RASGRF2: variants seen among roughly 807,000 people sequenced by gnomAD.
RASGRF2 encodes ras-specific guanine nucleotide-releasing factor 2.
A neutral mutation model predicts 151.0 loss-of-function variants in RASGRF2; 76 were observed. That is an observed-to-expected ratio of 0.50 (90% CI 0.42 to 0.61). The LOEUF (loss-of-function observed/expected upper bound fraction) is 0.61, where lower values mean the gene tolerates loss of function less well. Among genes scored for constraint, RASGRF2 ranks in the 20% least tolerant of loss-of-function variants. The probability of loss-of-function intolerance (pLI) is 0.00; values close to 1 mark genes in which losing one functional copy is unlikely to be tolerated. For missense variants in RASGRF2, 1,148 were observed against 1,564.6 expected, an observed-to-expected ratio of 0.73 and a Z score of 4.49; for synonymous variants, 504 against 566.5, an observed-to-expected ratio of 0.89 and a Z score of 1.57.
intron 12 of RASGRF2, among the ~76,000 whole-genome samples, chr5:81,103,763 A>C (rs772583242): frequency 6.6e-6 from 1 of 152,186 alleles, no homozygotes; most frequent in Non-Finnish European, 1.5e-5. Context: ...TTTCACAAGG[A>C]GAAATTTGTA....
chr5:81,175,898 C>T (rs1436902476), intron 17 of RASGRF2, among the ~76,000 whole-genome samples: 1 of 152,024 alleles, frequency 6.6e-6, no homozygotes, highest in African/African-American at 2.4e-5. Flanking sequence ...ATTCTTAATT[C>T]CTAATTTGTC....
At chr5:81,210,532 A>C (rs1039770680) in intron 22 of RASGRF2, among the ~76,000 whole-genome samples, 1 of 152,156 alleles carries the variant, frequency 6.6e-6, no homozygotes, top group Non-Finnish European at 1.5e-5. Flanking sequence ...CTCTAAACTC[A>C]CTGAGTCCCT....
At chr5:81,055,191 C>T (rs1054450616) in intron 2 of RASGRF2, among the ~76,000 whole-genome samples, 1 of 152,200 alleles carries the variant, frequency 6.6e-6, no homozygotes, top group Non-Finnish European at 1.5e-5. Context: ...GAGAGGGCAT[C>T]CCTGTCTTGT....
chr5:81,225,816 G>C lies in RASGRF2; in HGVS notation c.*46G>C. On this transcript the variant is annotated 3_prime_UTR_variant, in exon 27 of 27. Coordinates refer to ENST00000265080, the MANE Select transcript of RASGRF2 (RefSeq NM_006909.3). ...GTCCACGGGATGTTCATGGAAAGCAGGACAGACAGAATTGTGTATGCCTTG... is the reference window on the plus strand; with the variant it reads ...GTCCACGGGATGTTCATGGAAAGCACGACAGACAGAATTGTGTATGCCTTG... 6.3e-7 allele frequency: 1 copy of C among 1,593,372 alleles called. No individual in the cohort carries two copies. The highest frequency in any genetic ancestry group is 8.5e-7 in the Non-Finnish European group (1 of 1,172,066).
intron 7 of RASGRF2, among the ~76,000 whole-genome samples, chr5:81,084,169 G>A (rs951280786): frequency 3.3e-5 from 5 of 152,218 alleles, no homozygotes; most frequent in African/African-American, 1.2e-4. Flanking sequence ...GAAGGATCAT[G>A]AGAGTATTGA....
chr5:81,144,240 A>T (rs1753952726), intron 17 of RASGRF2, among the ~76,000 whole-genome samples: 1 of 152,212 alleles, frequency 6.6e-6, no homozygotes. Flanking sequence ...ATCTATGGAA[A>T]CATACTGCTT....
At chr5:81,151,621 TC>T (rs1442636474) in intron 17 of RASGRF2, among the ~76,000 whole-genome samples, 1 of 152,154 alleles carries the variant, frequency 6.6e-6, no homozygotes, top group African/African-American at 2.4e-5. Flanking sequence ...CTCGAATACT[TC>T]CCTGTTGCTT....
intron 17 of RASGRF2, among the ~76,000 whole-genome samples, chr5:81,158,778 A>G (rs1279864532): frequency 1.3e-5 from 2 of 152,222 alleles, no homozygotes; most frequent in East Asian, 3.8e-4. Context: ...AAATTGACAG[A>G]TGGTGACAAG....
intron 15 of RASGRF2, among the ~76,000 whole-genome samples, chr5:81,119,784 G>T (rs1270219808): frequency 6.6e-6 from 1 of 152,246 alleles, no homozygotes; most frequent in African/African-American, 2.4e-5. Flanking sequence ...TCATATTAGA[G>T]AATTAAGTTG....
At chr5:81,200,913 G>T (rs1392109381) in intron 18 of RASGRF2, among the ~76,000 whole-genome samples, 1 of 152,144 alleles carries the variant, frequency 6.6e-6, no homozygotes, top group Non-Finnish European at 1.5e-5. Flanking sequence ...CATTTGTTAA[G>T]TCTAGGACAG....
rs1327276496 is a variant in RASGRF2, at chr5:81,086,884, G to C, written c.1321G>C (p.Ala441Pro). The change falls in exon 9 of 27, where the codon GCC (alanine) becomes CCC (proline). Residue 441 changes from alanine to proline, a missense_variant. By Grantham distance (27) the Ala-to-Pro change is conservative. Around this residue, in one of 5 missense-constraint regions of RASGRF2, gnomAD observed 176 missense variants for 309.6 expected, o/e 0.57. Transcript: ENST00000265080. ...CACTGAAAACATAAGGAAAAACCTT[G>C]CCATCGAAAGAATGATCGTGGAGGG... is the stretch of plus-strand genomic sequence containing the variant. Reference protein sequence around the residue: ...SDTENIRKNLAIERMIVEGCD... With the variant: ...SDTENIRKNLPIERMIVEGCD... 6.2e-7 allele frequency: 1 copy of C among 1,614,222 alleles called. No individual in the cohort carries two copies. Among genetic ancestry groups the C allele is most frequent in the African/African-American group, 1.3e-5 (1 of 75,058 alleles).
intron 5 of RASGRF2, among the ~76,000 whole-genome samples, chr5:81,075,298 T>A (rs1479325486): frequency 6.6e-6 from 1 of 152,090 alleles, no homozygotes; most frequent in African/African-American, 2.4e-5. Flanking sequence ...GCAGATTTGT[T>A]AGAGAATGTG....
intron 18 of RASGRF2, chr5:81,183,200 A>G (rs1754956513): frequency 2.0e-6 from 2 of 983,848 alleles, no homozygotes; most frequent in African/African-American, 1.7e-5. Flanking sequence ...TTCGATTTCT[A>G]GAAACAGAAA....
intron 15 of RASGRF2, among the ~76,000 whole-genome samples, chr5:81,114,488 C>G (rs959576985): frequency 6.6e-6 from 1 of 152,146 alleles, no homozygotes; most frequent in Non-Finnish European, 1.5e-5. Flanking sequence ...TTGCTTGTGA[C>G]GTAGCCAAAA....
intron 17 of RASGRF2, among the ~76,000 whole-genome samples, chr5:81,158,453 A>G (rs1754311050): frequency 6.6e-6 from 1 of 152,196 alleles, no homozygotes; most frequent in African/African-American, 2.4e-5. Context: ...AATTTGATAC[A>G]TTAGGCTTCA....
At chr5:81,027,994 A>G (rs905883432) in intron 1 of RASGRF2, among the ~76,000 whole-genome samples, 3 of 152,290 alleles carry the variant, frequency 2.0e-5, no homozygotes, top group Middle Eastern at 3.4e-3. Context: ...GAGAGGCTCA[A>G]TGACTATATC....
Position 81,098,968 on chromosome 5 carries a change from A to G in RASGRF2, c.1755+3976A>G, listed in dbSNP as rs956550110. ...ATGGACACACAAATGAACTAGAAAT[A>G]TTCCCAACACCCAACACACTAAAAT... On this transcript the variant is annotated intron_variant, in intron 12 of 26. Transcript: ENST00000265080. 7.9e-5 allele frequency among the ~76,000 whole-genome samples: 12 copies of G among 152,240 alleles called. 1 individual carries two copies. Among genetic ancestry groups the G allele is most frequent in the African/African-American group, 2.9e-4 (12 of 41,454 alleles).
At chr5:81,079,493 G>C (rs768319173) in intron 5 of RASGRF2, among the ~76,000 whole-genome samples, 5 of 140,122 alleles carry the variant, frequency 3.6e-5, no homozygotes, top group African/African-American at 5.2e-5. Flanking sequence ...ATTGCAGTAG[G>C]TTAATTCCAA....
intron 17 of RASGRF2, among the ~76,000 whole-genome samples, chr5:81,138,320 A>G (rs1026752656): frequency 2.0e-5 from 3 of 151,806 alleles, no homozygotes; most frequent in African/African-American, 7.3e-5. Context: ...TTCCCAATTT[A>G]TTTCCTTGAA....
Sources: allele counts gnomAD v4.1 joint callset (sites outside exome capture counted in the v4.1 genomes callset), GRCh38; gene constraint gnomAD v4.1.1; regional missense constraint gnomAD v4.1.1; transcripts MANE v1.5; gene names NCBI Gene and HGNC (gene_info 2026-07-23, HGNC 2026-07-21).